The following TFDP2 variants were observed in gnomAD, a reference collection of about 807,000 sequenced individuals.
TFDP2 encodes the protein transcription factor Dp-2.
A neutral mutation model predicts 59.3 loss-of-function variants in TFDP2; 17 were observed. The observed-to-expected ratio is 0.29, with a 90% CI of 0.20 to 0.43. The LOEUF is 0.43. TFDP2 is among the 20% of genes least tolerant of loss of function. The pLI, the probability that TFDP2 is intolerant of heterozygous loss-of-function variation, is 1.00. For synonymous variants in TFDP2, 180 were observed against 194.7 expected, an observed-to-expected ratio of 0.92 and a Z score of 0.63; for missense variants, 391 against 528.8, an observed-to-expected ratio of 0.74 and a Z score of 2.56.
intron 3 of TFDP2, among the ~76,000 whole-genome samples, chr3:142,045,844 A>G (rs1383120555): frequency 6.6e-6 from 1 of 151,656 alleles, no homozygotes; most frequent in African/African-American, 2.4e-5. Context: ...GCTGGTCTCA[A>G]AATCCTGACC....
chr3:142,065,873 T>C (rs1293419614), intron 3 of TFDP2, among the ~76,000 whole-genome samples: 1 of 151,928 alleles, frequency 6.6e-6, no homozygotes, highest in Non-Finnish European at 1.5e-5. Flanking sequence ...TAAAACAGGC[T>C]TACTAGATAT....
chr3:142,144,026 A>C (rs760114383), intron 1 of TFDP2, among the ~76,000 whole-genome samples: 70 of 138,178 alleles, frequency 5.1e-4, no homozygotes, highest in Non-Finnish European at 8.7e-4. Flanking sequence ...AGATGAATGA[A>C]TAAAGAAAAT....
In TFDP2 at chr3:142,044,987, T is replaced by C. The variant is rs1246458507; in HGVS notation, c.83-39443A>G. Among the ~76,000 whole-genome samples, 5 of 152,296 alleles carry C rather than the reference T, an allele frequency of 3.3e-5. No homozygotes were observed. In the South Asian group the frequency reaches 1.0e-3, roughly 32 times the overall value. ...TGACATCTCAGTTGGTTTCCTTCTA[T>C]GGCAATCTGCTATCTTCTACATATT... On this transcript the variant is annotated intron_variant, in intron 3 of 12. Coordinates refer to ENST00000489671, the MANE Select transcript of TFDP2 (RefSeq NM_001178139.2).
chr3:141,998,947 T>C (rs1560003146), intron 4 of TFDP2, among the ~76,000 whole-genome samples: 1 of 152,218 alleles, frequency 6.6e-6, no homozygotes, highest in Non-Finnish European at 1.5e-5. Flanking sequence ...AGTGGTATAT[T>C]AAGAGATTTC....
chr3:142,051,299 G>A (rs1947614234), intron 3 of TFDP2, among the ~76,000 whole-genome samples: 1 of 152,172 alleles, frequency 6.6e-6, no homozygotes, highest in Admixed American at 6.5e-5. Context: ...AGCACTTTGG[G>A]AGGCCAAGAT....
At chr3:142,011,552 G>A (rs1944687151) in intron 3 of TFDP2, among the ~76,000 whole-genome samples, 1 of 125,898 alleles carries the variant, frequency 7.9e-6, no homozygotes, top group East Asian at 2.4e-4. Flanking sequence ...TAACTAACCT[G>A]CACAAGGTGC....
intron 3 of TFDP2, among the ~76,000 whole-genome samples, chr3:142,018,383 T>C (rs1263258857): frequency 6.6e-6 from 1 of 152,254 alleles, no homozygotes; most frequent in Admixed American, 6.5e-5. Flanking sequence ...CCCACATTAC[T>C]TGTATCAACT....
At chr3:142,045,327 T>A (rs549720665) in intron 3 of TFDP2, among the ~76,000 whole-genome samples, 2 of 151,808 alleles carry the variant, frequency 1.3e-5, no homozygotes, top group South Asian at 2.1e-4. Context: ...ACCGGGCTAA[T>A]TTTTGTATTT....
chr3:142,008,774 T>C (rs899414027), intron 3 of TFDP2, among the ~76,000 whole-genome samples: 2 of 152,150 alleles, frequency 1.3e-5, no homozygotes, highest in Admixed American at 6.5e-5. Context: ...ATACACACTG[T>C]TGTCCTAAGC....
intron 4 of TFDP2, among the ~76,000 whole-genome samples, chr3:141,996,300 G>A (rs1223709444): frequency 6.6e-6 from 1 of 152,174 alleles, no homozygotes; most frequent in Non-Finnish European, 1.5e-5. Context: ...ATGCTCCGGT[G>A]AATGGGGATA....
At chr3:141,975,479 G>A (rs985789728) in intron 7 of TFDP2, among the ~76,000 whole-genome samples, 4 of 152,016 alleles carry the variant, frequency 2.6e-5, no homozygotes, top group Non-Finnish European at 5.9e-5. Flanking sequence ...GATCACCTGA[G>A]GTCAGGAGTT....
intron 3 of TFDP2, among the ~76,000 whole-genome samples, chr3:142,027,187 T>C (rs1346462646): frequency 6.6e-6 from 1 of 152,214 alleles, no homozygotes; most frequent in Admixed American, 6.5e-5. Flanking sequence ...TTTTCTCACA[T>C]TTTCATTAAT....
intron 9 of TFDP2, among the ~76,000 whole-genome samples, chr3:141,969,130 C>CAT (rs369075227): frequency 0.03 from 1,408 of 46,218 alleles, 259 homozygotes; most frequent in Non-Finnish European, 0.036. Flanking sequence ...ATATATATAA[C>CAT]ATATATATCC....
In TFDP2 at chr3:142,093,954, G is replaced by A. The variant is rs145076086; in HGVS notation, c.16-827C>T. On this transcript the variant is annotated intron_variant, in intron 2 of 12. Coordinates refer to ENST00000489671, the MANE Select transcript of TFDP2 (RefSeq NM_001178139.2). ...TACTGCTCAATCCATGTCAGCATAC[G>A]TTACTGTCAGTATTATACTTGAGGG... is the stretch of plus-strand genomic sequence containing the variant. The A allele has an allele frequency of 2.1e-4, 106 of 511,926 alleles. No homozygotes were observed. In the East Asian group the frequency reaches 4.8e-3, roughly 23 times the overall value. The allele number at this position is 511,926 out of a possible 1,614,324, so 31.7% of individuals were successfully genotyped here. A position where few individuals can be genotyped will look rare whatever the true frequency, so the allele number is the denominator to read the frequency against.
chr3:142,088,644 T>G (rs2060892607), intron 3 of TFDP2, among the ~76,000 whole-genome samples: 1 of 145,356 alleles, frequency 6.9e-6, no homozygotes, highest in Non-Finnish European at 1.5e-5. Flanking sequence ...AGGGTCATGC[T>G]CTGTCACCCA....
Position 141,993,637 on chromosome 3 carries a change from A to C in TFDP2, c.309-52T>G, listed in dbSNP as rs779584793. The C allele has an allele frequency of 4.0e-5, 42 of 1,062,948 alleles. No individual in the cohort carries two copies. In the East Asian group the frequency reaches 1.0e-3, roughly 26 times the overall value. The allele number at this position is 1,062,948 out of a possible 1,614,324, so 65.8% of individuals were successfully genotyped here. A position where few individuals can be genotyped will look rare whatever the true frequency, so the allele number is the denominator to read the frequency against. ...AACAATACATACTTAAATACAATTT[A>C]ATTTCATTAATACTTTATTATAACT... On this transcript the variant is annotated intron_variant, in intron 5 of 12. Transcript: ENST00000489671.
intron 6 of TFDP2, among the ~76,000 whole-genome samples, chr3:141,987,573 G>A (rs1173622052): frequency 1.4e-5 from 2 of 141,728 alleles, no homozygotes; most frequent in Admixed American, 1.4e-4. Context: ...ATGAGCCACT[G>A]CGCCTGGCGT....
intron 1 of TFDP2, among the ~76,000 whole-genome samples, chr3:142,119,243 G>C (rs949493967): frequency 2.0e-5 from 3 of 151,820 alleles, no homozygotes; most frequent in Admixed American, 2.0e-4. Flanking sequence ...CCAGATATTT[G>C]AGAAAACTGA....
intron 3 of TFDP2, among the ~76,000 whole-genome samples, chr3:142,068,770 G>A (rs908133068): frequency 6.6e-6 from 1 of 151,916 alleles, no homozygotes; most frequent in Non-Finnish European, 1.5e-5. Context: ...TGTTGCCCAG[G>A]CTGGTCTCAA....
Sources: gnomAD v4.1 joint callset for allele counts (sites outside exome capture counted in the v4.1 genomes callset) on GRCh38, gnomAD v4.1.1 for gene constraint, MANE v1.5 for transcripts, NCBI Gene and HGNC (gene_info 2026-07-23, HGNC 2026-07-21) for gene names.